Variants in BARD1 observed in about 807,000 individuals in gnomAD.
BARD1 encodes the protein BRCA1 associated RING domain 1, also known as BRCA1-associated RING domain protein 1.
BARD1 carries 73 observed loss-of-function variants against 77.0 expected under a neutral mutation model. The ratio of observed to expected loss-of-function variants is 0.95; its 90% CI spans 0.79 to 1.15. The LOEUF (loss-of-function observed/expected upper bound fraction) is 1.15, where lower values mean the gene tolerates loss of function less well. BARD1 is among the 50% of genes most tolerant of loss of function. BARD1 has a pLI of 0.00. For missense variants in BARD1, 993 were observed against 938.8 expected (o/e 1.06, Z -0.75); for synonymous variants, 384 against 338.0 (o/e 1.14, Z -1.49).
intron 4 of BARD1, among the ~76,000 whole-genome samples, chr2:214,776,381 T>C (rs905366875): frequency 1.3e-5 from 2 of 152,204 alleles, no homozygotes; most frequent in African/African-American, 4.8e-5. Context: ...ATCAGAAGAA[T>C]AAACAATGAG....
At chr2:214,793,062 C>T (rs746340761) in intron 2 of BARD1, among the ~76,000 whole-genome samples, 15 of 152,130 alleles carry the variant, frequency 9.9e-5, no homozygotes, top group Non-Finnish European at 1.8e-4. Context: ...CACGATCCCC[C>T]CCACAAGCCC....
At chr2:214,784,669 C>A (rs2106118947) in intron 3 of BARD1, among the ~76,000 whole-genome samples, 1 of 152,270 alleles carries the variant, frequency 6.6e-6, no homozygotes, top group East Asian at 1.9e-4. Context: ...AAATGTGGCA[C>A]ATATACACCA....
At chr2:214,766,663 G>A (rs1382656091) in intron 6 of BARD1, among the ~76,000 whole-genome samples, 6 of 151,986 alleles carry the variant, frequency 3.9e-5, no homozygotes, top group African/African-American at 1.2e-4. Context: ...TATAAAAGAT[G>A]GCATAGTATT....
intron 4 of BARD1, among the ~76,000 whole-genome samples, chr2:214,777,715 C>T (rs1208304576): frequency 1.3e-5 from 2 of 152,214 alleles, no homozygotes; most frequent in Non-Finnish European, 2.9e-5. Flanking sequence ...TGTAGTAACT[C>T]TTTCCTCTTT....
chr2:214,792,240 G>C, intron 3 of BARD1, 57 bp downstream of exon 3: 2 of 1,455,788 alleles, frequency 1.4e-6, no homozygotes, highest in Admixed American at 3.5e-5. Flanking sequence ...TTATGAATAT[G>C]AATTCATCAG....
intron 6 of BARD1, among the ~76,000 whole-genome samples, chr2:214,760,629 T>C (rs1559402690): frequency 6.6e-6 from 1 of 152,138 alleles, no homozygotes; most frequent in East Asian, 1.9e-4. Context: ...TTTTCTTCTC[T>C]CTCCTAGGGC....
chr2:214,788,308 T>C (rs142866320), intron 3 of BARD1, among the ~76,000 whole-genome samples: 5 of 152,102 alleles, frequency 3.3e-5, no homozygotes, highest in African/African-American at 1.2e-4. Flanking sequence ...ACTCCATTAG[T>C]AAAAAGAAGA....
intron 7 of BARD1, among the ~76,000 whole-genome samples, chr2:214,749,579 A>C (rs886866515): frequency 6.6e-6 from 1 of 152,136 alleles, no homozygotes; most frequent in Non-Finnish European, 1.5e-5. Context: ...TGACACATTT[A>C]AAGTAATCAT....
In BARD1 at chr2:214,767,402, T is replaced by A. The variant is rs886558084; in HGVS notation, c.1568+80A>T. On this transcript the variant is annotated intron_variant, in intron 6 of 10. Transcript: ENST00000260947. Reference sequence around the variant, plus strand: ...TGAAGAAAGCCATCAACTTGACTATTTTAAAGTCTGCTTTATCACACACCT... The same window carrying A: ...TGAAGAAAGCCATCAACTTGACTATATTAAAGTCTGCTTTATCACACACCT... 4 of 581,426 alleles carry A rather than the reference T, an allele frequency of 6.9e-6. No individual in the cohort carries two copies. The African/African-American group carries it at 1.0e-4, about 15-fold the overall frequency. The allele number at this position is 581,426 out of a possible 1,614,324, so 36.0% of individuals were successfully genotyped here.
At chr2:214,800,379 G>C (rs1002022043) in intron 1 of BARD1, among the ~76,000 whole-genome samples, 1 of 152,120 alleles carries the variant, frequency 6.6e-6, no homozygotes, top group Non-Finnish European at 1.5e-5. Flanking sequence ...GCCAAGCTGA[G>C]AGAGAAGGGA....
intron 6 of BARD1, among the ~76,000 whole-genome samples, chr2:214,765,764 A>G (rs910435472): frequency 2.6e-5 from 4 of 152,206 alleles, no homozygotes; most frequent in Non-Finnish European, 5.9e-5. Flanking sequence ...ACACACACAC[A>G]CACACAAATA....
chr2:214,786,059 CTT>C (rs752981176), intron 3 of BARD1, among the ~76,000 whole-genome samples: 2 of 151,848 alleles, frequency 1.3e-5, no homozygotes, highest in Non-Finnish European at 2.9e-5. Context: ...CCAAAGAAAA[CTT>C]TTAATGGAAT....
chr2:214,726,256 A>G lies in BARD1; in HGVS notation c.*2420T>C, dbSNP rs906948027. 7 of 201,882 alleles carry G rather than the reference A, an allele frequency of 3.5e-5. No individual in the cohort carries two copies. The highest frequency in any genetic ancestry group is 7.1e-5 in the Non-Finnish European group (7 of 98,132). The allele number at this position is 201,882 out of a possible 1,614,324, so 12.5% of individuals were successfully genotyped here. On this transcript the variant is annotated 3_prime_UTR_variant, in exon 11 of 11. Transcript: ENST00000260947. The stretch of plus-strand genomic sequence containing the variant: ...ATTGAGATAGATATGGTAAAGTATT[A>G]GCAGAGACAGAAAAATAGCTACAAA...
At chr2:214,775,701 A>G (rs1694708421) in intron 4 of BARD1, among the ~76,000 whole-genome samples, 1 of 152,230 alleles carries the variant, frequency 6.6e-6, no homozygotes, top group Admixed American at 6.5e-5. Context: ...TAAATGAGGT[A>G]TGCCTGTAAT....
At chr2:214,766,754 G>A (rs2106074133) in intron 6 of BARD1, among the ~76,000 whole-genome samples, 1 of 152,196 alleles carries the variant, frequency 6.6e-6, no homozygotes, top group Non-Finnish European at 1.5e-5. Flanking sequence ...ATGAAATGCT[G>A]TATAAATATT....
chr2:214,729,042 A>T, intron 10 of BARD1, 34 bp from the exon 11 acceptor site: 1 of 1,595,384 alleles, frequency 6.3e-7, no homozygotes, highest in Non-Finnish European at 8.6e-7. Context: ...TTAAAGGCAG[A>T]TCAAAATACT....
chr2:214,788,377 ATCTCC>A (rs1427599745), intron 3 of BARD1, among the ~76,000 whole-genome samples: 1 of 152,050 alleles, frequency 6.6e-6, no homozygotes, highest in East Asian at 1.9e-4. Context: ...AAATTTGACA[ATCTCC>A]TCTTTAAAGT....
chr2:214,768,029 G>C (rs529899926), intron 5 of BARD1, among the ~76,000 whole-genome samples: 126 of 152,154 alleles, frequency 8.3e-4, no homozygotes, highest in Non-Finnish European at 1.6e-3. Context: ...ATCTGTACCA[G>C]TACATACACA....
At chr2:214,783,047 A>G (rs1695112573) in intron 3 of BARD1, among the ~76,000 whole-genome samples, 2 of 152,200 alleles carry the variant, frequency 1.3e-5, no homozygotes, top group African/African-American at 4.8e-5. Context: ...CCTCCATATT[A>G]TCAGGGGACT....
Sources: allele counts gnomAD v4.1 joint callset (sites outside exome capture counted in the v4.1 genomes callset), GRCh38; gene constraint gnomAD v4.1.1; transcripts MANE v1.5; gene names NCBI Gene and HGNC (gene_info 2026-07-23, HGNC 2026-07-21).